ERN1: variants seen among roughly 807,000 people sequenced by gnomAD.
The protein encoded by ERN1 is endoplasmic reticulum to nucleus signaling 1.
In ERN1, 39 loss-of-function variants were observed where a neutral mutation model predicts 113.1. The observed-to-expected ratio is 0.34, with a 90% CI of 0.27 to 0.45. The LOEUF is 0.45. Ranked by LOEUF, ERN1 falls within the 20% of genes least tolerant of loss-of-function variation. The pLI is 1.00. For synonymous variants in ERN1, 507 were observed against 515.9 expected (o/e 0.98, Z 0.23); for missense variants, 976 against 1,274.8 (o/e 0.77, Z 3.57).
At chr17:64,057,730 C>T (rs1912917685) in intron 12 of ERN1, 72 bp downstream of exon 12, 1 of 1,391,238 alleles carries the variant, frequency 7.2e-7, no homozygotes, top group East Asian at 2.3e-5. Context: ...GTCTGGATCT[C>T]ACTGACATGA....
chr17:64,098,098 C>T (rs1914279055), intron 2 of ERN1, 23 bp downstream of exon 2: 4 of 1,613,392 alleles, frequency 2.5e-6, no homozygotes, highest in Non-Finnish European at 3.4e-6. Context: ...GTCCATGTCG[C>T]CCAAGGACCA....
At chr17:64,118,728 A>G (rs559300910) in intron 1 of ERN1, among the ~76,000 whole-genome samples, 33 of 152,316 alleles carry the variant, frequency 2.2e-4, no homozygotes, top group African/African-American at 6.5e-4. Context: ...AGCTGAGACA[A>G]CTGACTGGTC....
intron 4 of ERN1, among the ~76,000 whole-genome samples, chr17:64,077,569 T>C (rs1314250688): frequency 6.6e-6 from 1 of 152,142 alleles, no homozygotes; most frequent in African/African-American, 2.4e-5. Context: ...AACATCACGC[T>C]TGTGAGTCAT....
At chr17:64,124,634 C>G (rs547205794) in intron 1 of ERN1, among the ~76,000 whole-genome samples, 1 of 152,280 alleles carries the variant, frequency 6.6e-6, no homozygotes, top group African/African-American at 2.4e-5. Context: ...ATTGTGAGGC[C>G]TCCCCAGCCA....
intron 1 of ERN1, among the ~76,000 whole-genome samples, chr17:64,109,412 G>A (rs1567884198): frequency 6.6e-6 from 1 of 152,180 alleles, no homozygotes; most frequent in Non-Finnish European, 1.5e-5. Flanking sequence ...CTTTAGGCTA[G>A]AAAAGAAGTA....
intron 9 of ERN1, among the ~76,000 whole-genome samples, chr17:64,064,880 C>T (rs1567867033): frequency 6.6e-6 from 1 of 152,096 alleles, no homozygotes; most frequent in Non-Finnish European, 1.5e-5. Context: ...ATGGTTGGGC[C>T]ACGCAACTCA....
chr17:64,106,805 G>C (rs190653267), intron 1 of ERN1, among the ~76,000 whole-genome samples: 1 of 149,608 alleles, frequency 6.7e-6, no homozygotes, highest in East Asian at 2.0e-4. Flanking sequence ...CAGTCCTACA[G>C]GGTTTCTTAT....
intron 13 of ERN1, among the ~76,000 whole-genome samples, chr17:64,055,434 G>A (rs578090781): frequency 2.0e-5 from 3 of 152,284 alleles, no homozygotes; most frequent in Admixed American, 6.5e-5. Flanking sequence ...CAGCCGCGAC[G>A]CCCAGCCCTT....
At chr17:64,047,735 C>G (rs1912555079) in intron 19 of ERN1, 123 bp downstream of exon 19, 1 of 764,786 alleles carries the variant, frequency 1.3e-6, no homozygotes, top group Admixed American at 3.1e-5. Context: ...AAAACATCAG[C>G]CATGATTATC....
At chr17:64,073,087 C>T (rs191111253) in intron 5 of ERN1, among the ~76,000 whole-genome samples, 4 of 151,580 alleles carry the variant, frequency 2.6e-5, no homozygotes, top group Admixed American at 2.6e-4. Context: ...CTCACTGCAG[C>T]CTCAAACTCC....
chr17:64,047,331 C>T (rs1444597208), intron 19 of ERN1, among the ~76,000 whole-genome samples: 1 of 152,188 alleles, frequency 6.6e-6, no homozygotes, highest in Non-Finnish European at 1.5e-5. Context: ...CACTGTACTC[C>T]AGCCTGGGTA....
chr17:64,052,904 G>A lies in ERN1; in HGVS notation c.2129C>T (p.Ser710Phe). The A allele has an allele frequency of 6.2e-7, 1 of 1,613,924 alleles. No homozygotes were observed. The highest frequency in any genetic ancestry group is 8.5e-7 in the Non-Finnish European group (1 of 1,179,862). Residue 710 changes from serine (S) to phenylalanine (F), a missense_variant, in exon 17 of 22, where the codon TCC (serine) becomes TTC (phenylalanine). Around this residue, in one of 5 missense-constraint regions of ERN1, gnomAD observed 297 missense variants for 457.8 expected, o/e 0.65. Coordinates refer to ENST00000433197, the MANE Select transcript of ERN1 (RefSeq NM_001433.5). ...NAHGKIKAMI[S>F]DFGLCKKLAV... ...CAGCTTCTTGCAGAGGCCAAAGTCG[G>A]AGATCATGGCCTTGATCTTGCCGTG...
chr17:64,057,135 C>T (rs1410460163), intron 12 of ERN1, among the ~76,000 whole-genome samples: 2 of 152,082 alleles, frequency 1.3e-5, no homozygotes, highest in Non-Finnish European at 2.9e-5. Flanking sequence ...TTTGGTTCTT[C>T]TCCCCAGCAG....
Position 64,042,061 on chromosome 17 carries a change from C to G in ERN1, c.*1927G>C, listed in dbSNP as rs1598039717. 1 of 152,404 alleles carries G rather than the reference C, an allele frequency of 6.6e-6. No individual in the cohort carries two copies. The highest frequency in any genetic ancestry group is 1.5e-5 in the Non-Finnish European group (1 of 68,100). The allele number at this position is 152,404 out of a possible 1,614,324, so 9.4% of individuals were successfully genotyped here. On this transcript the variant is annotated 3_prime_UTR_variant, in exon 22 of 22. Coordinates refer to ENST00000433197, the MANE Select transcript of ERN1 (RefSeq NM_001433.5). Reference sequence around the variant, plus strand: ...ACTCCCTGTGGCAGGCCTGTTAAATCACTCGTGGCACCTTCTCCACCTTCT... The same window carrying G: ...ACTCCCTGTGGCAGGCCTGTTAAATGACTCGTGGCACCTTCTCCACCTTCT...
chr17:64,056,000 C>T, intron 12 of ERN1, 52 bp from the exon 13 acceptor site: 1 of 1,491,698 alleles, frequency 6.7e-7, no homozygotes, highest in Non-Finnish European at 8.9e-7. Flanking sequence ...CACAGGGAAA[C>T]AAGCAGCTGG....
At chr17:64,046,590 C>A (rs933663123) in intron 19 of ERN1, among the ~76,000 whole-genome samples, 2 of 152,248 alleles carry the variant, frequency 1.3e-5, no homozygotes, top group African/African-American at 4.8e-5. Flanking sequence ...CTCTTCCCAA[C>A]CCGATCCATC....
At chr17:64,053,226 A>T in intron 16 of ERN1, 46 bp downstream of exon 16, 1 of 1,500,300 alleles carries the variant, frequency 6.7e-7, no homozygotes, top group South Asian at 1.3e-5. Context: ...TGGGCCACTG[A>T]TTCTCCCCAC....
At position 64,049,759 on chromosome 17, in the gene ERN1, T is replaced by C. The variant is rs2143325335; in HGVS notation, c.2254-557A>G. Among the ~76,000 whole-genome samples the C allele has an allele frequency of 6.6e-6, 1 of 152,290 alleles. No individual in the cohort carries two copies. The highest frequency in any genetic ancestry group is 1.9e-4 in the East Asian group (1 of 5,182). ...CCAAGGAGGTCATGTTTGATGTTAA[T>C]CCGAGAAAGCCTCTCACTTATCCCA... On this transcript the variant is annotated intron_variant, in intron 17 of 21. Transcript: ENST00000433197. The surrounding 1 kb of genome is among the most constrained non-coding windows in gnomAD (Gnocchi z 4.7).
chr17:64,075,267 GAA>G lies in ERN1; in HGVS notation c.283-22_283-21del. On this transcript the variant is annotated intron_variant, in intron 4 of 21. Coordinates refer to ENST00000433197, the MANE Select transcript of ERN1 (RefSeq NM_001433.5). ...AAGTTTCTTTAAAAAAAAAAAAAAA[GAA>G]AAAAAAAAGTTAACCAAGTCTTGTG... is the stretch of plus-strand genomic sequence containing the variant. 3.4e-6 allele frequency: 2 copies of G among 592,732 alleles called. No homozygotes were observed. Among genetic ancestry groups the G allele is most frequent in the Non-Finnish European group, 2.6e-6 (1 of 390,676 alleles). 36.7% of individuals were successfully genotyped at this position (592,732 alleles called of 1,614,324 possible). A position where few individuals can be genotyped will look rare whatever the true frequency, so the allele number is the denominator to read the frequency against.
Sources: allele counts gnomAD v4.1 joint callset (sites outside exome capture counted in the v4.1 genomes callset), GRCh38; gene constraint gnomAD v4.1.1; regional missense constraint gnomAD v4.1.1; non-coding constraint Gnocchi (gnomAD v3.1); transcripts MANE v1.5; gene names NCBI Gene and HGNC (gene_info 2026-07-23, HGNC 2026-07-21).